SPIDR: variants seen among roughly 807,000 people sequenced by gnomAD.
SPIDR encodes scaffold protein involved in DNA repair.
Under a neutral mutation model 104.6 loss-of-function variants are expected in SPIDR, and 93 were observed. The observed-to-expected ratio is 0.89, with a 90% CI of 0.75 to 1.06. The LOEUF (loss-of-function observed/expected upper bound fraction) is 1.06, where lower values mean the gene tolerates loss of function less well. Among genes scored for constraint, SPIDR ranks in the 50% least tolerant of loss-of-function variants. The probability of loss-of-function intolerance (pLI) is 0.00; values close to 1 mark genes in which losing one functional copy is unlikely to be tolerated. For missense variants in SPIDR, 1,154 were observed against 1,111.2 expected, an observed-to-expected ratio of 1.04 and a Z score of -0.55; for synonymous variants, 431 against 416.9, an observed-to-expected ratio of 1.03 and a Z score of -0.41.
At chr8:47,706,503 G>C (rs375379017) in intron 14 of SPIDR, among the ~76,000 whole-genome samples, 4 of 152,128 alleles carry the variant, frequency 2.6e-5, no homozygotes, top group Admixed American at 2.0e-4. Flanking sequence ...GTATGTGTGC[G>C]TGCACTTCTT....
intron 8 of SPIDR, among the ~76,000 whole-genome samples, chr8:47,469,540 TAA>T (rs1226959932): frequency 6.9e-6 from 1 of 144,858 alleles, no homozygotes; most frequent in African/African-American, 2.5e-5. Context: ...CATGCAGCCA[TAA>T]AAAAAAAAAT....
At chr8:47,713,191 T>C in intron 15 of SPIDR, 1 of 650,870 alleles carries the variant, frequency 1.5e-6, no homozygotes, top group Non-Finnish European at 2.4e-6. Flanking sequence ...CAGCCCCTTT[T>C]TCCAGGGATC....
At chr8:47,516,258 TA>T (rs985614283) in intron 8 of SPIDR, among the ~76,000 whole-genome samples, 4 of 152,100 alleles carry the variant, frequency 2.6e-5, no homozygotes, top group Non-Finnish European at 4.4e-5. Context: ...GAAATGCTTT[TA>T]AAAAAAATTG....
chr8:47,563,016 AAC>A (rs1294018694), intron 8 of SPIDR, among the ~76,000 whole-genome samples: 5 of 151,608 alleles, frequency 3.3e-5, no homozygotes, highest in Non-Finnish European at 1.5e-5. Flanking sequence ...GCTAATTAGA[AAC>A]AGTACTTTAC....
intron 5 of SPIDR, among the ~76,000 whole-genome samples, chr8:47,311,671 T>C (rs1188742251): frequency 6.6e-6 from 1 of 151,828 alleles, no homozygotes; most frequent in Non-Finnish European, 1.5e-5. Context: ...AAAAAAATCT[T>C]GAAAGCACCC....
At chr8:47,342,328 CTTTTTTTTT>C (rs11357859) in intron 5 of SPIDR, among the ~76,000 whole-genome samples, 2 of 68,916 alleles carry the variant, frequency 2.9e-5, no homozygotes, top group African/African-American at 6.4e-5. Context: ...TTTCAAAGGT[CTTTTTTTTT>C]TTTTTTTTTT....
chr8:47,386,926 T>C (rs946889566), intron 5 of SPIDR, among the ~76,000 whole-genome samples: 8 of 135,732 alleles, frequency 5.9e-5, no homozygotes, highest in African/African-American at 1.0e-4. Flanking sequence ...GATATAGATA[T>C]AGATATAGAT....
intron 5 of SPIDR, among the ~76,000 whole-genome samples, chr8:47,356,798 G>A (rs2054638682): frequency 6.6e-6 from 1 of 152,154 alleles, no homozygotes; most frequent in Admixed American, 6.5e-5. Flanking sequence ...TAAAGTCCTA[G>A]AAAAATTTGG....
At chr8:47,525,370 T>C (rs117290879) in intron 8 of SPIDR, among the ~76,000 whole-genome samples, 24 of 152,378 alleles carry the variant, frequency 1.6e-4, no homozygotes, top group Admixed American at 1.4e-3. Flanking sequence ...AAAAGTATCT[T>C]TCTTTCTATG....
At chr8:47,584,436 G>A (rs2060058256) in intron 8 of SPIDR, among the ~76,000 whole-genome samples, 2 of 152,116 alleles carry the variant, frequency 1.3e-5, no homozygotes, top group Non-Finnish European at 2.9e-5. Context: ...GTTTTAAGAG[G>A]CTTACTGTAT....
intron 5 of SPIDR, among the ~76,000 whole-genome samples, chr8:47,350,274 CT>C (rs1239400069): frequency 2.6e-5 from 4 of 152,114 alleles, no homozygotes; most frequent in African/African-American, 9.7e-5. Flanking sequence ...GATTTTAAAC[CT>C]TTTTTTCCTT....
intron 7 of SPIDR, among the ~76,000 whole-genome samples, chr8:47,434,993 AG>A (rs2068029466): frequency 6.6e-6 from 1 of 151,166 alleles, no homozygotes. Context: ...CTTTTTTTTG[AG>A]AGACAGGGTC....
At chr8:47,489,386 G>A (rs983284685) in intron 8 of SPIDR, among the ~76,000 whole-genome samples, 50 of 152,198 alleles carry the variant, frequency 3.3e-4, no homozygotes, top group African/African-American at 1.1e-3. Flanking sequence ...TTCCATCCTC[G>A]TGGATAGGAA....
intron 14 of SPIDR, among the ~76,000 whole-genome samples, chr8:47,707,556 A>G (rs1243334886): frequency 6.6e-6 from 1 of 152,184 alleles, no homozygotes; most frequent in Non-Finnish European, 1.5e-5. Flanking sequence ...TATCCTTTTA[A>G]TGATTTTTCT....
intron 10 of SPIDR, chr8:47,673,351 G>A (rs1355929005): frequency 1.5e-5 from 7 of 454,150 alleles, no homozygotes; most frequent in Admixed American, 9.5e-5. Flanking sequence ...TGTTCTTATC[G>A]TAATGTTATC....
chr8:47,437,183 C>T (rs1168904817), intron 7 of SPIDR, among the ~76,000 whole-genome samples: 3 of 151,526 alleles, frequency 2.0e-5, no homozygotes, highest in Admixed American at 6.6e-5. Flanking sequence ...CATGCTGGTG[C>T]GCTGCACCCG....
intron 5 of SPIDR, among the ~76,000 whole-genome samples, chr8:47,297,554 C>A (rs1323545791): frequency 3.9e-5 from 6 of 151,978 alleles, no homozygotes; most frequent in African/African-American, 1.4e-4. Flanking sequence ...TGTGCTGCAC[C>A]CATTAACTCG....
chr8:47,589,186 A>G (rs987583451), intron 8 of SPIDR, among the ~76,000 whole-genome samples: 1 of 152,050 alleles, frequency 6.6e-6, no homozygotes, highest in Non-Finnish European at 1.5e-5. Context: ...TTCTCCAGTG[A>G]AAGTATCTGG....
intron 5 of SPIDR, among the ~76,000 whole-genome samples, chr8:47,331,638 C>CACTA (rs1289266801): frequency 6.6e-6 from 1 of 152,136 alleles, no homozygotes; most frequent in Admixed American, 6.5e-5. Context: ...CATTACCATA[C>CACTA]ACTACTATCA....
Sources: allele counts gnomAD v4.1 joint callset (sites outside exome capture counted in the v4.1 genomes callset), GRCh38; gene constraint gnomAD v4.1.1; transcripts MANE v1.5; gene names NCBI Gene and HGNC (gene_info 2026-07-23, HGNC 2026-07-21).